The following ADRA1D variants were observed in gnomAD, a reference collection of about 807,000 sequenced individuals.
ADRA1D encodes adrenoceptor alpha 1D.
In ADRA1D, 22 loss-of-function variants were observed where a neutral mutation model predicts 18.6. That is an observed-to-expected ratio of 1.19 (90% CI 0.85 to 1.69). ADRA1D has a LOEUF of 1.69. ADRA1D is among the 40% of genes most tolerant of loss of function. The pLI, the probability that ADRA1D is intolerant of heterozygous loss-of-function variation, is 0.00. For missense variants in ADRA1D, 840 were observed against 840.7 expected (o/e 1.00, Z 0.01); for synonymous variants, 376 against 388.2 (o/e 0.97, Z 0.37).
intron 1 of ADRA1D, among the ~76,000 whole-genome samples, chr20:4,241,996 A>G (rs987761423): frequency 6.6e-6 from 1 of 152,208 alleles, no homozygotes; most frequent in Non-Finnish European, 1.5e-5. Context: ...TGTCATCACT[A>G]CCCAGGTCAA....
In ADRA1D at chr20:4,248,243, C is replaced by T. The variant is rs1287093984; in HGVS notation, c.715G>A (p.Val239Met). 6.2e-7 allele frequency: 1 copy of T among 1,605,606 alleles called. No homozygotes were observed. The highest frequency in any genetic ancestry group is 8.5e-7 in the Non-Finnish European group (1 of 1,176,496). The change falls in exon 1 of 2, where the codon GTG becomes ATG. Residue 239 changes from valine to methionine, a missense_variant. Transcript: ENST00000379453. ...CCGCAGAAGCGCTCGTCAGGGGGCA[C>T]GGGCTCCTTCCAGCCCAGCAGGGGC... ...VGPLLGWKEPVPPDERFCGIT... is the reference protein window; with the variant it reads ...VGPLLGWKEPMPPDERFCGIT...
chr20:4,242,914 T>C (rs959710195), intron 1 of ADRA1D, among the ~76,000 whole-genome samples: 1 of 151,778 alleles, frequency 6.6e-6, no homozygotes, highest in Non-Finnish European at 1.5e-5. Context: ...AGTCCACCTC[T>C]GGGCGTGGCT....
rs1362043415 is a variant in ADRA1D, at chr20:4,248,771, C to T, written c.187G>A (p.Glu63Lys). Residue 63 changes from glutamate (E) to lysine (K), a missense_variant, in exon 1 of 2, where the codon GAG becomes AAG. Glu to Lys is a moderately conservative substitution (Grantham distance 56). Coordinates refer to ENST00000379453, the MANE Select transcript of ADRA1D (RefSeq NM_000678.4). ...TCCCCCGCGGAGCTCCGGTTGTCCT[C>T]GCCGCTGCCTGCGCCCACCACGCCG... ...GGGVVGAGSG[E>K]DNRSSAGEPG... is the part of the protein sequence containing the mutation. The T allele has an allele frequency of 3.0e-6, 4 of 1,339,622 alleles. No homozygotes were observed. The African/African-American group carries it at 6.2e-5, about 21-fold the overall frequency. 83.0% of individuals were successfully genotyped at this position (1,339,622 alleles called of 1,614,324 possible).
intron 1 of ADRA1D, among the ~76,000 whole-genome samples, chr20:4,243,458 A>C (rs1257018250): frequency 6.6e-6 from 1 of 152,144 alleles, no homozygotes; most frequent in Non-Finnish European, 1.5e-5. Context: ...AGGGGATTGT[A>C]CCTGGCATGG....
chr20:4,231,748 C>G (rs1980975169), intron 1 of ADRA1D, among the ~76,000 whole-genome samples: 1 of 152,052 alleles, frequency 6.6e-6, no homozygotes, highest in Non-Finnish European at 1.5e-5. Flanking sequence ...CTGAGTTGGT[C>G]TAGTCCCAAA....
Position 4,247,971 on chromosome 20 carries a change from G to A in ADRA1D, c.987C>T (p.Phe329=), listed in dbSNP as rs975012106. ...GCAGGCGCACGGAGAGCGAGCTGCG[G>A]AAGGTGTGGCCCTTGGCGCTGCGCA... ...HGMRSAKGHT[F]RSSLSVRLLK... The change falls in exon 1 of 2, where the codon TTC becomes TTT. Residue 329 remains phenylalanine, a synonymous_variant. Coordinates refer to ENST00000379453, the MANE Select transcript of ADRA1D (RefSeq NM_000678.4). The A allele has an allele frequency of 6.3e-6, 10 of 1,585,276 alleles. No homozygotes were observed. Among genetic ancestry groups the A allele is most frequent in the Non-Finnish European group, 8.6e-6 (10 of 1,166,642 alleles).
chr20:4,227,054 G>A (rs546416920), intron 1 of ADRA1D, among the ~76,000 whole-genome samples: 188 of 152,282 alleles, frequency 1.2e-3, no homozygotes, highest in South Asian at 2.7e-3. Context: ...TTTCCTCTCC[G>A]TGGCATACCA....
Position 4,221,931 on chromosome 20 carries a change from G to C in ADRA1D, c.1311C>G (p.His437Gln). ...RRPLWRVYGH[H>Q]WRASTSGLRQ... ...GCAGGCCGCTGGTGGAGGCCCGCCA[G>C]TGGTGGCCGTAGACACGCCAGAGAG... Residue 437 changes from histidine to glutamine, a missense_variant, in exon 2 of 2, where the codon CAC becomes CAG. Physicochemically the swap from His to Gln is conservative, Grantham distance 24. Coordinates refer to ENST00000379453, the MANE Select transcript of ADRA1D (RefSeq NM_000678.4). 1 of 1,535,508 alleles carries C rather than the reference G, an allele frequency of 6.5e-7. No individual in the cohort carries two copies. Among genetic ancestry groups the C allele is most frequent in the Non-Finnish European group, 8.8e-7 (1 of 1,141,680 alleles).
chr20:4,234,222 G>A (rs561976224), intron 1 of ADRA1D, among the ~76,000 whole-genome samples: 6 of 152,338 alleles, frequency 3.9e-5, no homozygotes, highest in Non-Finnish European at 7.4e-5. Flanking sequence ...CTGCTGGGAC[G>A]CTGCTAAGGC....
chr20:4,231,578 A>T (rs1192925836), intron 1 of ADRA1D, among the ~76,000 whole-genome samples: 1 of 152,194 alleles, frequency 6.6e-6, no homozygotes, highest in Non-Finnish European at 1.5e-5. Flanking sequence ...TAATGTGCAG[A>T]GGAAGGAAAA....
chr20:4,248,235 A>C lies in ADRA1D; in HGVS notation c.723T>G (p.Pro241=), dbSNP rs1266611105. ...PLLGWKEPVP[P]DERFCGITEE... ...CGGTGATACCGCAGAAGCGCTCGTC[A>C]GGGGGCACGGGCTCCTTCCAGCCCA... The change falls in exon 1 of 2, where the codon CCT becomes CCG. Residue 241 remains proline, a synonymous_variant. Transcript: ENST00000379453. The C allele has an allele frequency of 1.9e-6, 3 of 1,604,098 alleles. No individual in the cohort carries two copies. Among genetic ancestry groups the C allele is most frequent in the Non-Finnish European group, 2.6e-6 (3 of 1,175,700 alleles).
chr20:4,233,777 C>T (rs532619110), intron 1 of ADRA1D, among the ~76,000 whole-genome samples: 6 of 152,264 alleles, frequency 3.9e-5, no homozygotes, highest in South Asian at 4.1e-4. Context: ...CCCCATTCAA[C>T]AGGAGGCTTG....
chr20:4,226,253 G>A lies in ADRA1D; in HGVS notation c.1112-4123C>T, dbSNP rs115475937. On this transcript the variant is annotated intron_variant, in intron 1 of 1. Coordinates refer to ENST00000379453, the MANE Select transcript of ADRA1D (RefSeq NM_000678.4). ...GCTGTGAGCTGGGAAGTCCTTACAC[G>A]AGAAGGAGCTGTAATACAAACTCAG... Among the ~76,000 whole-genome samples the A allele has an allele frequency of 2.0e-3, 303 of 152,350 alleles. 1 individual carries two copies. The highest frequency in any genetic ancestry group is 7.0e-3 in the African/African-American group (291 of 41,584).
At position 4,221,517 on chromosome 20, in the gene ADRA1D, G is replaced by A. The variant is rs777578933; in HGVS notation, c.*6C>T. ...CAGCACACTCCGCGGCCTAGCTCTG[G>A]GGTCCTTAAATATCGGTCTCCCGTA... On this transcript the variant is annotated 3_prime_UTR_variant, in exon 2 of 2. Transcript: ENST00000379453. 8 of 1,599,452 alleles carry A rather than the reference G, an allele frequency of 5.0e-6. No individual in the cohort carries two copies. The Admixed American group carries it at 1.3e-4, about 27-fold the overall frequency.
At chr20:4,229,723 C>T (rs536835954) in intron 1 of ADRA1D, among the ~76,000 whole-genome samples, 2 of 151,970 alleles carry the variant, frequency 1.3e-5, no homozygotes, top group Non-Finnish European at 1.5e-5. Flanking sequence ...ACCCTCAATG[C>T]GCCCTCCCAC....
chr20:4,221,539 C>A lies in ADRA1D; in HGVS notation c.1703G>T (p.Arg568Leu), dbSNP rs143506323. 6 of 1,610,796 alleles carry A rather than the reference C, an allele frequency of 3.7e-6. No individual in the cohort carries two copies. The African/African-American group carries it at 6.7e-5, about 18-fold the overall frequency. ...AYELADYSNL[R>L]ETDI ...CTGGGGTCCTTAAATATCGGTCTCC[C>A]GTAGGTTGCTGTAGTCGGCCAATTC... The change falls in exon 2 of 2, where the codon CGG becomes CTG. Residue 568 changes from arginine (R) to leucine (L), a missense_variant. Coordinates refer to ENST00000379453, the MANE Select transcript of ADRA1D (RefSeq NM_000678.4).
chr20:4,236,014 T>C (rs890366001), intron 1 of ADRA1D, among the ~76,000 whole-genome samples: 2 of 152,030 alleles, frequency 1.3e-5, no homozygotes, highest in South Asian at 2.1e-4. Flanking sequence ...ATCCAAGACA[T>C]GGAAGTGAGC....
At chr20:4,240,214 G>GA (rs1196032849) in intron 1 of ADRA1D, among the ~76,000 whole-genome samples, 1 of 151,620 alleles carries the variant, frequency 6.6e-6, no homozygotes, top group Non-Finnish European at 1.5e-5. Flanking sequence ...TAAATGGAAA[G>GA]AAAAAAAAGC....
chr20:4,248,704 G>A lies in ADRA1D; in HGVS notation c.254C>T (p.Ala85Val). ...GCTCACCACCAGTCCCCCGACGGCC[G>A]CCGTGCCATTCACGTCGCCGCCCGC... is the stretch of plus-strand genomic sequence containing the variant. ...AGAGGDVNGT[A>V]AVGGLVVSAQ... The change falls in exon 1 of 2, where the codon GCG becomes GTG. Residue 85 changes from alanine to valine, a missense_variant. Physicochemically the swap from Ala to Val is moderately conservative, Grantham distance 64. Transcript: ENST00000379453. 1.3e-6 allele frequency: 2 copies of A among 1,571,462 alleles called. No homozygotes were observed. Among genetic ancestry groups the A allele is most frequent in the Non-Finnish European group, 1.7e-6 (2 of 1,159,580 alleles).
Sources: allele counts gnomAD v4.1 joint callset (sites outside exome capture counted in the v4.1 genomes callset), GRCh38; gene constraint gnomAD v4.1.1; transcripts MANE v1.5; gene names NCBI Gene and HGNC (gene_info 2026-07-23, HGNC 2026-07-21).